The following SF3B3 variants were observed in gnomAD, a reference collection of about 807,000 sequenced individuals.
SF3B3 encodes splicing factor 3b subunit 3.
SF3B3 carries 33 observed loss-of-function variants against 139.2 expected under a neutral mutation model. That is an observed-to-expected ratio of 0.24 (90% CI 0.18 to 0.32). The LOEUF (loss-of-function observed/expected upper bound fraction) is 0.32, where lower values mean the gene tolerates loss of function less well. SF3B3 is among the 10% of genes least tolerant of loss of function. SF3B3 has a pLI of 1.00. For synonymous variants in SF3B3, 596 were observed against 563.6 expected (o/e 1.06, Z -0.81); for missense variants, 818 against 1,509.4 (o/e 0.54, Z 7.59).
intron 8 of SF3B3, among the ~76,000 whole-genome samples, chr16:70,541,142 T>C: frequency 6.6e-6 from 1 of 152,242 alleles, no homozygotes; most frequent in East Asian, 1.9e-4. Context: ...CTGCTAAGTA[T>C]GCAGTGGTGG....
At chr16:70,537,236 TTGTG>T (rs1166645245) in intron 6 of SF3B3, among the ~76,000 whole-genome samples, 1 of 152,246 alleles carries the variant, frequency 6.6e-6, no homozygotes, top group African/African-American at 2.4e-5. Flanking sequence ...ATGTCACACA[TTGTG>T]TGTACATAAT....
chr16:70,561,683 C>T lies in SF3B3; in HGVS notation c.2187C>T (p.Phe729=), dbSNP rs748296521. The change falls in exon 17 of 26, where the codon TTC becomes TTT. Residue 729 remains phenylalanine, a synonymous_variant. Transcript: ENST00000302516. ...TGAGCTATTCTTACCAATCTCGCTTCCATCTCACCCCACTGTCTTACGAGA... is the reference window on the plus strand; with the variant it reads ...TGAGCTATTCTTACCAATCTCGCTTTCATCTCACCCCACTGTCTTACGAGA... ...SWLSYSYQSR[F]HLTPLSYETL... is the part of the protein sequence containing the mutation. 6.2e-7 allele frequency: 1 copy of T among 1,613,942 alleles called. No homozygotes were observed. The highest frequency in any genetic ancestry group is 1.7e-5 in the Admixed American group (1 of 60,016).
intron 1 of SF3B3, among the ~76,000 whole-genome samples, chr16:70,525,304 G>T (rs2050048731): frequency 6.6e-6 from 1 of 152,166 alleles, no homozygotes; most frequent in Non-Finnish European, 1.5e-5. Context: ...TGGGATTACA[G>T]GCGTGAGCCA....
chr16:70,560,508 G>A lies in SF3B3; in HGVS notation c.2050G>A (p.Gly684Arg). 1 of 1,613,890 alleles carries A rather than the reference G, an allele frequency of 6.2e-7. No individual in the cohort carries two copies. The highest frequency in any genetic ancestry group is 8.5e-7 in the Non-Finnish European group (1 of 1,179,856). ...LLRTVLDPVT[G>R]DLSDTRTRYL... Reference sequence around the variant, plus strand: ...GAGGACTGTCTTGGACCCTGTCACTGGGGATTTGTCTGATACTCGCACTCG... The same window carrying A: ...GAGGACTGTCTTGGACCCTGTCACTAGGGATTTGTCTGATACTCGCACTCG... Residue 684 changes from glycine to arginine, a missense_variant, in exon 16 of 26, where the codon GGG becomes AGG. By Grantham distance (125) the Gly-to-Arg change is moderately radical. Around this residue, in one of 14 missense-constraint regions of SF3B3, gnomAD observed 170 missense variants for 353.0 expected, o/e 0.48. Coordinates refer to ENST00000302516, the MANE Select transcript of SF3B3 (RefSeq NM_012426.5).
Position 70,544,424 on chromosome 16 carries a change from T to G in SF3B3, c.1234-14T>G. On this transcript the variant is annotated splice_polypyrimidine_tract_variant and intron_variant, in intron 9 of 25. Coordinates refer to ENST00000302516, the MANE Select transcript of SF3B3 (RefSeq NM_012426.5). ...ACTGGAGACATTTTTTCCTCTAACT[T>G]TTTCTCTGTGCAGATAGCTGATCTG... is the stretch of plus-strand genomic sequence containing the variant. The G allele has an allele frequency of 1.3e-6, 2 of 1,570,068 alleles. No homozygotes were observed. The highest frequency in any genetic ancestry group is 4.5e-5 in the East Asian group (2 of 44,650).
chr16:70,554,292 T>C (rs765051034), intron 11 of SF3B3, 154 bp from the exon 12 acceptor site: 1 of 631,974 alleles, frequency 1.6e-6, no homozygotes, highest in Non-Finnish European at 2.7e-6. Flanking sequence ...CTGGATCATT[T>C]TGCTCTGTGT....
At chr16:70,566,786 C>T (rs879568877) in intron 20 of SF3B3, among the ~76,000 whole-genome samples, 4 of 152,230 alleles carry the variant, frequency 2.6e-5, no homozygotes, top group South Asian at 2.1e-4. Context: ...CAGTGGCTCA[C>T]GCTTGTAATC....
Position 70,565,454 on chromosome 16 carries a change from C to G in SF3B3, c.2756C>G (p.Ser919Cys), listed in dbSNP as rs1338124485. Residue 919 changes from serine to cysteine, a missense_variant, in exon 20 of 26, where the codon TCT becomes TGT. Transcript: ENST00000302516. ...AAGGACCTGATACTAAACCCCCGAT[C>G]TGTGGCAGGGGGCTTCGTCTATACT... ...VAKDLILNPR[S>C]VAGGFVYTYK... The G allele has an allele frequency of 3.7e-6, 6 of 1,614,080 alleles. No individual in the cohort carries two copies. Among genetic ancestry groups the G allele is most frequent in the Non-Finnish European group, 5.1e-6 (6 of 1,180,036 alleles).
rs1280135681 is a variant in SF3B3, at chr16:70,575,508, T to TA, written c.*3695_*3696insA. Reference sequence around the variant, plus strand: ...GCCACTGCACTTGGCCAGGAGCTGTTTAAGCCATCAGGAGACATGCTGACC... The same window carrying TA: ...GCCACTGCACTTGGCCAGGAGCTGTTATAAGCCATCAGGAGACATGCTGACC... On this transcript the variant is annotated 3_prime_UTR_variant, in exon 26 of 26. Coordinates refer to ENST00000302516, the MANE Select transcript of SF3B3 (RefSeq NM_012426.5). 1 of 152,276 alleles carries TA rather than the reference T, an allele frequency of 6.6e-6. No individual in the cohort carries two copies. The highest frequency in any genetic ancestry group is 1.5e-5 in the Non-Finnish European group (1 of 68,136). 9.4% of individuals were successfully genotyped at this position (152,276 alleles called of 1,614,324 possible). A position where few individuals can be genotyped will look rare whatever the true frequency, so the allele number is the denominator to read the frequency against.
intron 16 of SF3B3, 62 bp downstream of exon 16, chr16:70,560,653 C>T (rs2050420281): frequency 1.3e-6 from 2 of 1,574,428 alleles, no homozygotes; most frequent in Non-Finnish European, 8.7e-7. Context: ...CATCTGAGAA[C>T]AATCTTTGCT....
intron 10 of SF3B3, among the ~76,000 whole-genome samples, chr16:70,547,735 G>A (rs1424866922): frequency 1.3e-5 from 2 of 152,150 alleles, no homozygotes; most frequent in Non-Finnish European, 2.9e-5. Context: ...CTGGGATTAC[G>A]GCACCCGCCA....
chr16:70,563,837 G>T, intron 17 of SF3B3, 39 bp from the exon 18 acceptor site: 3 of 1,602,046 alleles, frequency 1.9e-6, no homozygotes, highest in East Asian at 2.2e-5. Flanking sequence ...TTCTGGGTCC[G>T]AGTGAGTATT....
intron 15 of SF3B3, among the ~76,000 whole-genome samples, chr16:70,558,844 G>T (rs527767019): frequency 8.5e-4 from 130 of 152,296 alleles, no homozygotes; most frequent in African/African-American, 3.0e-3. Context: ...CGATCCACCC[G>T]CCTTGGCCTC....
intron 11 of SF3B3, 64 bp downstream of exon 11, chr16:70,548,506 A>G: frequency 7.3e-7 from 1 of 1,368,888 alleles, no homozygotes; most frequent in Non-Finnish European, 1.0e-6. Context: ...GAAGGCTTGA[A>G]AGGCTGCGTT....
chr16:70,528,937 C>T lies in SF3B3; in HGVS notation c.135C>T (p.Pro45=), dbSNP rs1007111984. 28 of 1,613,978 alleles carry T rather than the reference C, an allele frequency of 1.7e-5. No individual in the cohort carries two copies. The highest frequency in any genetic ancestry group is 2.3e-5 in the Non-Finnish European group (27 of 1,179,998). ...GKILELLRPD[P]NTGKVHTLLT... is the part of the protein sequence containing the mutation. ...TCTTGGAGCTGCTTCGCCCAGACCC[C>T]AACACTGGCAAAGTACATACCCTAC... Residue 45 remains proline, a synonymous_variant, in exon 3 of 26, where the codon CCC becomes CCT. Coordinates refer to ENST00000302516, the MANE Select transcript of SF3B3 (RefSeq NM_012426.5).
chr16:70,527,421 TTG>T (rs2050074644), intron 2 of SF3B3, among the ~76,000 whole-genome samples: 1 of 152,230 alleles, frequency 6.6e-6, no homozygotes, highest in Admixed American at 6.5e-5. Flanking sequence ...AGGTTCATGA[TTG>T]TGTAGAGTAA....
intron 11 of SF3B3, chr16:70,550,736 AC>A (rs1160269345): frequency 1.1e-6 from 1 of 891,740 alleles, no homozygotes; most frequent in Non-Finnish European, 1.3e-6. Context: ...AAGGAGAGGG[AC>A]CTGCACAAAA....
chr16:70,568,303 T>G lies in SF3B3; in HGVS notation c.2973T>G (p.Ser991=). 1 of 1,612,622 alleles carries G rather than the reference T, an allele frequency of 6.2e-7. No individual in the cohort carries two copies. Among genetic ancestry groups the G allele is most frequent in the Non-Finnish European group, 8.5e-7 (1 of 1,178,676 alleles). Residue 991 remains serine (S), a synonymous_variant, in exon 22 of 26, where the codon TCT becomes TCG. Coordinates refer to ENST00000302516, the MANE Select transcript of SF3B3 (RefSeq NM_012426.5). Reference sequence around the variant, plus strand: ...CCCAGCATATTGCCAATTATATCTCTGGGATCCAGACTATCGGACATAGGG... The same window carrying G: ...CCCAGCATATTGCCAATTATATCTCGGGGATCCAGACTATCGGACATAGGG... ...CENKHIANYI[S]GIQTIGHRVI...
At chr16:70,548,621 C>A (rs1238354194) in intron 11 of SF3B3, 179 bp downstream of exon 11, 2 of 571,684 alleles carry the variant, frequency 3.5e-6, no homozygotes, top group East Asian at 2.8e-5. Context: ...CCTACCATTT[C>A]TTTTTGTGCA....
Sources: gnomAD v4.1 joint callset for allele counts (sites outside exome capture counted in the v4.1 genomes callset) on GRCh38, gnomAD v4.1.1 for gene constraint, gnomAD v4.1.1 regional missense constraint, MANE v1.5 for transcripts, NCBI Gene and HGNC (gene_info 2026-07-23, HGNC 2026-07-21) for gene names.